Variants in GCFC2 observed in about 807,000 individuals in gnomAD.
The protein encoded by GCFC2 is GC-rich sequence DNA-binding factor 2.
GCFC2 carries 102 observed loss-of-function variants against 99.4 expected under a neutral mutation model. The observed-to-expected ratio is 1.03, with a 90% CI of 0.87 to 1.21. The LOEUF is 1.21. Among genes scored for constraint, GCFC2 ranks in the 50% most tolerant of loss-of-function variants. The pLI, the probability that GCFC2 is intolerant of heterozygous loss-of-function variation, is 0.00. For synonymous variants in GCFC2, 338 were observed against 316.8 expected, an observed-to-expected ratio of 1.07 and a Z score of -0.71; for missense variants, 973 against 920.9, an observed-to-expected ratio of 1.06 and a Z score of -0.73.
At chr2:75,704,205 A>G (rs1680732927) in intron 2 of GCFC2, among the ~76,000 whole-genome samples, 1 of 152,208 alleles carries the variant, frequency 6.6e-6, no homozygotes. Flanking sequence ...TTCTTCACAT[A>G]TATCATCCTA....
chr2:75,686,616 C>T (rs972120299), intron 11 of GCFC2, among the ~76,000 whole-genome samples: 30 of 152,086 alleles, frequency 2.0e-4, no homozygotes, highest in Non-Finnish European at 3.2e-4. Context: ...TGGTGGCACG[C>T]GCCTGGAGTC....
Position 75,671,938 on chromosome 2 carries a change from GT to G in GCFC2, c.1956+11del. The G allele has an allele frequency of 2.7e-6, 4 of 1,496,660 alleles. No individual in the cohort carries two copies. The highest frequency in any genetic ancestry group is 3.7e-6 in the Non-Finnish European group (4 of 1,078,554). The allele number at this position is 1,496,660 out of a possible 1,614,324, so 92.7% of individuals were successfully genotyped here. A position where few individuals can be genotyped will look rare whatever the true frequency, so the allele number is the denominator to read the frequency against. On this transcript the variant is annotated intron_variant, in intron 14 of 16. Transcript: ENST00000321027. ...CAAAAATTGCCTTTTCATTTTTGCA[GT>G]TTTTGCTCACCTTTAGGCCTGACCA...
chr2:75,677,607 G>A (rs1049441645), intron 12 of GCFC2, among the ~76,000 whole-genome samples: 1 of 152,198 alleles, frequency 6.6e-6, no homozygotes, highest in Admixed American at 6.5e-5. Context: ...TGCTGAGACT[G>A]AAAACCCTGA....
chr2:75,665,038 T>A (rs1343875639), intron 16 of GCFC2, among the ~76,000 whole-genome samples: 2 of 152,214 alleles, frequency 1.3e-5, no homozygotes, highest in African/African-American at 2.4e-5. Flanking sequence ...ATAGTAAGTC[T>A]ATCAGAAATT....
chr2:75,687,785 G>A, intron 11 of GCFC2, 42 bp downstream of exon 11: 1 of 1,495,044 alleles, frequency 6.7e-7, no homozygotes, highest in Non-Finnish European at 9.2e-7. Context: ...TATATACTCT[G>A]TCAGAAAATA....
chr2:75,701,749 A>T (rs1251554264), intron 3 of GCFC2: 2 of 458,004 alleles, frequency 4.4e-6, no homozygotes. Flanking sequence ...GGTCAAATGC[A>T]TATATCATAA....
chr2:75,711,086 A>G, upstream of GCFC2: 1 of 1,301,076 alleles, frequency 7.7e-7, no homozygotes, highest in Non-Finnish European at 9.7e-7. Flanking sequence ...TCCCTTTGCC[A>G]GGTTAGGTTG....
At chr2:75,692,807 C>CT (rs1680145313) in intron 6 of GCFC2, among the ~76,000 whole-genome samples, 1 of 151,822 alleles carries the variant, frequency 6.6e-6, no homozygotes, top group Non-Finnish European at 1.5e-5. Flanking sequence ...GCACTCAAAG[C>CT]TGGTGAAATT....
intron 6 of GCFC2, among the ~76,000 whole-genome samples, chr2:75,692,352 A>T (rs748124390): frequency 7.6e-6 from 1 of 130,984 alleles, no homozygotes; most frequent in Non-Finnish European, 1.6e-5. Flanking sequence ...ATTATCAGAG[A>T]TAGATAAACT....
At chr2:75,705,039 C>T (rs578022470) in intron 2 of GCFC2, among the ~76,000 whole-genome samples, 1 of 152,308 alleles carries the variant, frequency 6.6e-6, no homozygotes, top group Non-Finnish European at 1.5e-5. Flanking sequence ...TCAAATATAA[C>T]TAAAAATTCA....
rs1216628035 is a variant in GCFC2 at position 75,662,741 on chromosome 2, C to A, written c.*1925G>T. 6.6e-6 allele frequency: 1 copy of A among 151,802 alleles called. No homozygotes were observed. The highest frequency in any genetic ancestry group is 1.5e-5 in the Non-Finnish European group (1 of 67,934). 9.4% of individuals were successfully genotyped at this position (151,802 alleles called of 1,614,324 possible). On this transcript the variant is annotated 3_prime_UTR_variant, in exon 17 of 17. Transcript: ENST00000321027. Reference sequence around the variant, plus strand: ...GAAAGCAGTTTTAATATTTTATCTTCCACAAAAAGGTAGGAAAGTTTCTGT... The same window carrying A: ...GAAAGCAGTTTTAATATTTTATCTTACACAAAAAGGTAGGAAAGTTTCTGT...
rs1678743689 is a variant in GCFC2, at chr2:75,664,598, GCTT to G, written c.*65_*67del. On this transcript the variant is annotated 3_prime_UTR_variant, in exon 17 of 17. Transcript: ENST00000321027. ...GGGAATAAAGAAGAGAGAGGCACCA[GCTT>G]CTTCTCAAACAAAGGAACTGAGTGT... 5 of 731,104 alleles carry G rather than the reference GCTT, an allele frequency of 6.8e-6. No individual in the cohort carries two copies. The highest frequency in any genetic ancestry group is 2.3e-5 in the Admixed American group (1 of 44,206). The allele number at this position is 731,104 out of a possible 1,614,324, so 45.3% of individuals were successfully genotyped here.
intron 12 of GCFC2, among the ~76,000 whole-genome samples, chr2:75,675,980 G>T (rs1679320984): frequency 1.3e-5 from 2 of 152,056 alleles, no homozygotes; most frequent in South Asian, 4.1e-4. Flanking sequence ...TGATGCCAAT[G>T]GTTTTTATGC....
chr2:75,689,265 G>C, intron 9 of GCFC2, 40 bp from the exon 10 acceptor site: 1 of 1,139,126 alleles, frequency 8.8e-7, no homozygotes, highest in Non-Finnish European at 1.3e-6. Context: ...TTTAAGTTGT[G>C]AACTTTAAGT....
chr2:75,696,000 A>T (rs1218000895), intron 5 of GCFC2, among the ~76,000 whole-genome samples, 200 bp downstream of exon 5: 1 of 152,228 alleles, frequency 6.6e-6, no homozygotes, highest in Non-Finnish European at 1.5e-5. Flanking sequence ...GAAACCATAG[A>T]AGGCAAAAAT....
intron 4 of GCFC2, 72 bp from the exon 5 acceptor site, chr2:75,696,387 A>G: frequency 4.2e-6 from 3 of 722,284 alleles, no homozygotes; most frequent in Non-Finnish European, 7.5e-6. Flanking sequence ...TAGCATGTAA[A>G]GGGACTGGAT....
rs1013982434 is a variant in GCFC2, at chr2:75,689,904, C to T, written c.1339+65G>A. The T allele has an allele frequency of 1.1e-5, 9 of 833,110 alleles. No individual in the cohort carries two copies. In the Admixed American group the frequency reaches 2.1e-4, roughly 19 times the overall value. 51.6% of individuals were successfully genotyped at this position (833,110 alleles called of 1,614,324 possible). A position where few individuals can be genotyped will look rare whatever the true frequency, so the allele number is the denominator to read the frequency against. ...GCTTATGTACTTATTAAGGGCAATC[C>T]CAGCAAAGTGTTTCTCACCATTTCA... On this transcript the variant is annotated intron_variant, in intron 9 of 16. Coordinates refer to ENST00000321027, the MANE Select transcript of GCFC2 (RefSeq NM_003203.5).
chr2:75,696,547 A>C (rs1422870031), intron 4 of GCFC2, among the ~76,000 whole-genome samples: 1 of 152,178 alleles, frequency 6.6e-6, no homozygotes. Flanking sequence ...AAAAAAGTTT[A>C]GTTTTGAAGC....
intron 15 of GCFC2, 78 bp from the exon 16 acceptor site, chr2:75,666,131 TG>T (rs1282964015): frequency 1.2e-5 from 13 of 1,063,248 alleles, no homozygotes; most frequent in Non-Finnish European, 1.6e-5. Context: ...ATAGTGATAC[TG>T]TAAGCTGAGT....
Sources: gnomAD v4.1 joint callset for allele counts (sites outside exome capture counted in the v4.1 genomes callset) on GRCh38, gnomAD v4.1.1 for gene constraint, MANE v1.5 for transcripts, NCBI Gene and HGNC (gene_info 2026-07-23, HGNC 2026-07-21) for gene names.